PLPP4: variants seen among roughly 807,000 people sequenced by gnomAD.
The protein encoded by PLPP4 is phospholipid phosphatase 4, also known as diacylglycerol pyrophosphate like 2.
A neutral mutation model predicts 32.2 loss-of-function variants in PLPP4; 20 were observed. The observed-to-expected ratio is 0.62, with a 90% CI of 0.44 to 0.90. PLPP4 has a LOEUF of 0.90. Among genes scored for constraint, PLPP4 ranks in the 40% least tolerant of loss-of-function variants. PLPP4 has a pLI of 0.00. For synonymous variants in PLPP4, 127 were observed against 133.0 expected, an observed-to-expected ratio of 0.95 and a Z score of 0.31; for missense variants, 257 against 353.1, an observed-to-expected ratio of 0.73 and a Z score of 2.18.
At chr10:120,580,818 G>C in intron 6 of PLPP4, 1 of 1,196,192 alleles carries the variant, frequency 8.4e-7, no homozygotes, top group Non-Finnish European at 1.1e-6. Flanking sequence ...GCCAGCCCTG[G>C]GTAGAACAAA....
intron 5 of PLPP4, among the ~76,000 whole-genome samples, chr10:120,572,196 C>T (rs534407995): frequency 6.6e-6 from 1 of 152,328 alleles, no homozygotes; most frequent in South Asian, 2.1e-4. Context: ...TACATTTTAC[C>T]TACCCTTCAA....
In PLPP4 at chr10:120,550,274, A is replaced by T. The variant is rs192871057; in HGVS notation, c.446-24857A>T. Among the ~76,000 whole-genome samples, 701 of 152,132 alleles carry T rather than the reference A, an allele frequency of 4.6e-3. 12 individuals are homozygous for T. Among genetic ancestry groups the T allele is most frequent in the African/African-American group, 0.016 (659 of 41,580 alleles). ...ACCTATATTTTTCAAACTGCAAAAC[A>T]TTGCTAAAAAGCTAAATAAGACTTA... On this transcript the variant is annotated intron_variant, in intron 5 of 6. Transcript: ENST00000398250.
intron 5 of PLPP4, among the ~76,000 whole-genome samples, chr10:120,566,417 T>C (rs1270684308): frequency 6.6e-6 from 1 of 152,196 alleles, no homozygotes; most frequent in African/African-American, 2.4e-5. Flanking sequence ...GAAGCATGAA[T>C]TGGATAGCAA....
intron 1 of PLPP4, among the ~76,000 whole-genome samples, chr10:120,474,354 C>T (rs1250735963): frequency 1.3e-5 from 2 of 152,134 alleles, no homozygotes; most frequent in Non-Finnish European, 2.9e-5. Flanking sequence ...AATGACCTCA[C>T]TTTGTCTATC....
At chr10:120,584,624 A>C (rs1849669092) in intron 6 of PLPP4, among the ~76,000 whole-genome samples, 1 of 152,218 alleles carries the variant, frequency 6.6e-6, no homozygotes, top group African/African-American at 2.4e-5. Context: ...TCCCCCAATA[A>C]GGGCTTTCTT....
intron 5 of PLPP4, among the ~76,000 whole-genome samples, chr10:120,551,477 A>G (rs988748905): frequency 5.9e-5 from 9 of 152,192 alleles, no homozygotes; most frequent in Non-Finnish European, 1.2e-4. Flanking sequence ...AAACAACCCA[A>G]AGTTAATCAA....
At chr10:120,482,598 A>G (rs1391717216) in intron 1 of PLPP4, among the ~76,000 whole-genome samples, 1 of 152,126 alleles carries the variant, frequency 6.6e-6, no homozygotes, top group Non-Finnish European at 1.5e-5. Flanking sequence ...CAGCCTGACA[A>G]TGCAATTGAA....
chr10:120,513,919 T>C lies in PLPP4; in HGVS notation c.174T>C (p.Ser58=). ...TTTGTTATTTCTTCCAGGCAATTTCTTTCCTCACACCCCTGGCTGTTATTT... is the reference window on the plus strand; with the variant it reads ...TTTGTTATTTCTTCCAGGCAATTTCCTTCCTCACACCCCTGGCTGTTATTT... ...NIPTRLMFAI[S]FLTPLAVICV... is the part of the protein sequence containing the mutation. The change falls in exon 3 of 7, where the codon TCT becomes TCC. Residue 58 remains serine (S), a synonymous_variant. Coordinates refer to ENST00000398250, the MANE Select transcript of PLPP4 (RefSeq NM_001030059.3). 1 of 1,613,868 alleles carries C rather than the reference T, an allele frequency of 6.2e-7. No individual in the cohort carries two copies. Among genetic ancestry groups the C allele is most frequent in the Non-Finnish European group, 8.5e-7 (1 of 1,179,796 alleles).
intron 1 of PLPP4, among the ~76,000 whole-genome samples, chr10:120,487,456 A>C (rs908190364): frequency 2.6e-5 from 4 of 152,230 alleles, no homozygotes; most frequent in African/African-American, 9.6e-5. Flanking sequence ...TGTTGATGTC[A>C]CTTACAAAAT....
At chr10:120,585,089 T>G (rs1180831640) in intron 6 of PLPP4, among the ~76,000 whole-genome samples, 1 of 152,226 alleles carries the variant, frequency 6.6e-6, no homozygotes, top group Non-Finnish European at 1.5e-5. Context: ...CAACTGCAGA[T>G]GTTGTGGATC....
At chr10:120,567,502 C>T (rs1230919714) in intron 5 of PLPP4, among the ~76,000 whole-genome samples, 3 of 152,202 alleles carry the variant, frequency 2.0e-5, no homozygotes, top group Non-Finnish European at 4.4e-5. Flanking sequence ...GAACCCAAGT[C>T]TTAATACCTA....
intron 1 of PLPP4, among the ~76,000 whole-genome samples, chr10:120,465,937 T>C (rs929262864): frequency 7.2e-5 from 11 of 152,154 alleles, no homozygotes; most frequent in African/African-American, 2.7e-4. Context: ...ATTTATTCAT[T>C]TTACCCACGG....
chr10:120,543,988 G>T (rs7910507), intron 5 of PLPP4, among the ~76,000 whole-genome samples: 19 of 152,044 alleles, frequency 1.2e-4, no homozygotes, highest in Non-Finnish European at 2.2e-4. Flanking sequence ...TTATGTGTAC[G>T]TGACATTTTG....
chr10:120,489,586 C>T (rs949849688), intron 1 of PLPP4, among the ~76,000 whole-genome samples: 4 of 152,132 alleles, frequency 2.6e-5, no homozygotes, highest in African/African-American at 9.7e-5. Flanking sequence ...TTTGCCTTGT[C>T]CAAAGTGGGC....
intron 5 of PLPP4, among the ~76,000 whole-genome samples, chr10:120,523,601 G>A (rs1846262837): frequency 6.6e-6 from 1 of 151,892 alleles, no homozygotes; most frequent in African/African-American, 2.4e-5. Context: ...CTCCTGGTAG[G>A]GTCACTCAAG....
In PLPP4 at chr10:120,511,868, G is replaced by A. The variant is rs531418685; in HGVS notation, c.166-2043G>A. On this transcript the variant is annotated intron_variant, in intron 2 of 6. Coordinates refer to ENST00000398250, the MANE Select transcript of PLPP4 (RefSeq NM_001030059.3). ...CAGCACTTTGGGAGGCCGAGGTGGC[G>A]GATCATGAGGTCAGGAGATAGAGAC... Among the ~76,000 whole-genome samples, 18 of 152,186 alleles carry A rather than the reference G, an allele frequency of 1.2e-4. 1 individual carries two copies. The South Asian group carries it at 2.7e-3, about 23-fold the overall frequency.
At chr10:120,526,081 CT>C (rs779525440) in intron 5 of PLPP4, among the ~76,000 whole-genome samples, 1 of 151,972 alleles carries the variant, frequency 6.6e-6, no homozygotes, top group African/African-American at 2.4e-5. Context: ...AGCTCTTTGT[CT>C]TTTTTGTTCA....
chr10:120,529,749 A>C (rs1198377191), intron 5 of PLPP4, among the ~76,000 whole-genome samples: 1 of 152,178 alleles, frequency 6.6e-6, no homozygotes, highest in Non-Finnish European at 1.5e-5. Flanking sequence ...CCCTCAACAC[A>C]AGGGTTTGTA....
intron 1 of PLPP4, among the ~76,000 whole-genome samples, chr10:120,485,672 C>T (rs1159441976): frequency 6.6e-6 from 1 of 152,090 alleles, no homozygotes; most frequent in Non-Finnish European, 1.5e-5. Flanking sequence ...ATTATTGATT[C>T]ATTCATTAGG....
Sources: gnomAD v4.1 joint callset for allele counts (sites outside exome capture counted in the v4.1 genomes callset) on GRCh38, gnomAD v4.1.1 for gene constraint, MANE v1.5 for transcripts, NCBI Gene and HGNC (gene_info 2026-07-23, HGNC 2026-07-21) for gene names.